The following CDK19 variants were observed in gnomAD, a reference collection of about 807,000 sequenced individuals.
CDK19 encodes the protein cyclin-dependent kinase 19.
CDK19 carries 20 observed loss-of-function variants against 68.3 expected under a neutral mutation model. The ratio of observed to expected loss-of-function variants is 0.29; its 90% CI spans 0.21 to 0.43. CDK19 has a LOEUF of 0.43. Ranked by LOEUF, CDK19 falls within the 20% of genes least tolerant of loss-of-function variation. CDK19 has a pLI of 1.00. For synonymous variants in CDK19, 221 were observed against 222.8 expected (o/e 0.99, Z 0.07); for missense variants, 339 against 623.5 (o/e 0.54, Z 4.86).
At chr6:110,654,319 CTTCT>C (rs1468803147) in intron 4 of CDK19, among the ~76,000 whole-genome samples, 1 of 152,108 alleles carries the variant, frequency 6.6e-6, no homozygotes, top group East Asian at 1.9e-4. Flanking sequence ...ATGCCTTTTT[CTTCT>C]TTTTTTCTTA....
At chr6:110,795,464 T>C (rs1781875689) in intron 1 of CDK19, among the ~76,000 whole-genome samples, 1 of 152,216 alleles carries the variant, frequency 6.6e-6, no homozygotes, top group South Asian at 2.1e-4. Context: ...CTCTAATTAC[T>C]ATCATGCTAA....
chr6:110,727,102 A>T (rs1213874368), intron 2 of CDK19, among the ~76,000 whole-genome samples: 2 of 152,174 alleles, frequency 1.3e-5, no homozygotes, highest in African/African-American at 4.8e-5. Flanking sequence ...GAGACATAAG[A>T]CAGAATTAGG....
chr6:110,755,829 G>C (rs1778797710), intron 1 of CDK19, among the ~76,000 whole-genome samples: 1 of 152,094 alleles, frequency 6.6e-6, no homozygotes. Flanking sequence ...TAGTATGCAG[G>C]GTAGATCAGA....
intron 2 of CDK19, among the ~76,000 whole-genome samples, chr6:110,672,382 A>G (rs1161495285): frequency 6.6e-6 from 1 of 152,226 alleles, no homozygotes; most frequent in Non-Finnish European, 1.5e-5. Context: ...TTGTCACAGT[A>G]GCAATATTTA....
chr6:110,716,600 A>G (rs1775417759), intron 2 of CDK19, among the ~76,000 whole-genome samples: 1 of 152,216 alleles, frequency 6.6e-6, no homozygotes, highest in Admixed American at 6.5e-5. Flanking sequence ...AGAATATTCA[A>G]ACATTATCTG....
At chr6:110,763,000 G>A (rs1222279768) in intron 1 of CDK19, among the ~76,000 whole-genome samples, 8 of 152,148 alleles carry the variant, frequency 5.3e-5, no homozygotes, top group Non-Finnish European at 1.0e-4. Context: ...TTTACAGTAA[G>A]AGTCTAGAAT....
At chr6:110,693,761 G>C (rs1044574218) in intron 2 of CDK19, among the ~76,000 whole-genome samples, 1 of 152,046 alleles carries the variant, frequency 6.6e-6, no homozygotes, top group African/African-American at 2.4e-5. Context: ...CCTGAGCTCA[G>C]ACCCACCTAA....
chr6:110,735,976 C>A (rs923785534), intron 2 of CDK19, among the ~76,000 whole-genome samples: 1 of 152,200 alleles, frequency 6.6e-6, no homozygotes, highest in African/African-American at 2.4e-5. Context: ...AACCTGTGAA[C>A]TGCTGCACGG....
intron 1 of CDK19, among the ~76,000 whole-genome samples, chr6:110,780,507 T>C (rs1341091938): frequency 6.6e-6 from 1 of 152,136 alleles, no homozygotes; most frequent in African/African-American, 2.4e-5. Flanking sequence ...TAAATTTATT[T>C]TAAGACGGTA....
At chr6:110,805,472 A>T (rs966611930) in intron 1 of CDK19, among the ~76,000 whole-genome samples, 10 of 151,744 alleles carry the variant, frequency 6.6e-5, no homozygotes, top group African/African-American at 2.4e-4. Context: ...CTATAGAATA[A>T]TTTTTCAAAA....
At chr6:110,777,236 TAAAAG>T (rs1417382486) in intron 1 of CDK19, among the ~76,000 whole-genome samples, 2 of 152,170 alleles carry the variant, frequency 1.3e-5, no homozygotes, top group African/African-American at 2.4e-5. Context: ...GATATGAAAC[TAAAAG>T]AATTAGAACT....
chr6:110,798,013 AAAG>A (rs1016306255), intron 1 of CDK19, among the ~76,000 whole-genome samples: 4 of 149,648 alleles, frequency 2.7e-5, no homozygotes, highest in Non-Finnish European at 6.0e-5. Flanking sequence ...AAAGAAAGAA[AAAG>A]AAAGAAATAT....
At chr6:110,643,094 G>T in intron 4 of CDK19, 2 of 762,464 alleles carry the variant, frequency 2.6e-6, no homozygotes, top group Non-Finnish European at 3.6e-6. Flanking sequence ...AGCTGAGCCT[G>T]CTACCCCACA....
At chr6:110,713,385 T>A (rs546520937) in intron 2 of CDK19, among the ~76,000 whole-genome samples, 1 of 142,136 alleles carries the variant, frequency 7.0e-6, no homozygotes, top group Non-Finnish European at 1.5e-5. Flanking sequence ...GGAGCTGAGA[T>A]CGCGCCACTG....
chr6:110,696,304 A>C (rs1773479619), intron 2 of CDK19, among the ~76,000 whole-genome samples: 1 of 152,228 alleles, frequency 6.6e-6, no homozygotes, highest in Non-Finnish European at 1.5e-5. Context: ...GTATCCCTTT[A>C]GGATTAAAAC....
intron 2 of CDK19, among the ~76,000 whole-genome samples, chr6:110,697,020 T>C (rs145808831): frequency 0.014 from 2,102 of 151,304 alleles, 52 homozygotes; most frequent in African/African-American, 0.049. Flanking sequence ...GATCACGCCA[T>C]TGCACTTCAG....
intron 2 of CDK19, among the ~76,000 whole-genome samples, chr6:110,721,864 C>T (rs755334281): frequency 1.3e-5 from 2 of 151,872 alleles, no homozygotes; most frequent in Admixed American, 6.6e-5. Flanking sequence ...CTCGGGAGGC[C>T]GAGGCCGGAG....
intron 4 of CDK19, among the ~76,000 whole-genome samples, chr6:110,664,586 T>C (rs1781806744): frequency 6.6e-6 from 1 of 152,182 alleles, no homozygotes; most frequent in Non-Finnish European, 1.5e-5. Context: ...AAAATGTCAG[T>C]ACTATTCTCC....
chr6:110,610,561 G>A lies in CDK19; in HGVS notation c.*3974C>T, dbSNP rs13220055. On this transcript the variant is annotated 3_prime_UTR_variant, in exon 13 of 13. Coordinates refer to ENST00000368911, the MANE Select transcript of CDK19 (RefSeq NM_015076.5). ...GTAAGTATGGCCTTAGGTACAACAC[G>A]TTTTTTAAAAACCCTAAAACAATGA... 0.1 allele frequency: 15,583 copies of A among 151,978 alleles called. 1,161 individuals are homozygous for A. Among genetic ancestry groups the A allele is most frequent in the Admixed American group, 0.25 (3,835 of 15,232 alleles). 9.4% of individuals were successfully genotyped at this position (151,978 alleles called of 1,614,324 possible). A position where few individuals can be genotyped will look rare whatever the true frequency, so the allele number is the denominator to read the frequency against.
Sources: allele counts gnomAD v4.1 joint callset (sites outside exome capture counted in the v4.1 genomes callset), GRCh38; gene constraint gnomAD v4.1.1; transcripts MANE v1.5; gene names NCBI Gene and HGNC (gene_info 2026-07-23, HGNC 2026-07-21).